BCL9L: variants seen among roughly 807,000 people sequenced by gnomAD.
BCL9L encodes the protein B-cell CLL/lymphoma 9-like protein.
A neutral mutation model predicts 99.4 loss-of-function variants in BCL9L; 19 were observed. The observed-to-expected ratio is 0.19, with a 90% confidence interval of 0.13 to 0.28. BCL9L has a LOEUF of 0.28. BCL9L is among the 10% of genes least tolerant of loss of function. BCL9L has a pLI of 1.00. For synonymous variants in BCL9L, 900 were observed against 854.8 expected, an observed-to-expected ratio of 1.05 and a Z score of -0.92; for missense variants, 2,023 against 2,101.6, an observed-to-expected ratio of 0.96 and a Z score of 0.73.
chr11:118,908,266 G>A lies in BCL9L; in HGVS notation c.412+4C>T, dbSNP rs768489901. 30 of 1,538,592 alleles carry A rather than the reference G, an allele frequency of 1.9e-5. No homozygotes were observed. Among genetic ancestry groups the A allele is most frequent in the Non-Finnish European group, 2.5e-5 (29 of 1,143,004 alleles). On this transcript the variant is annotated splice_donor_region_variant and intron_variant, in intron 4 of 9. Transcript: ENST00000683865. ...AGGGTCTTAGGGATGAGGAAATGGG[G>A]TACCTTTGGCCTCTGAATCCAGGGA... is the stretch of plus-strand genomic sequence containing the variant.
rs1400364998 is a variant in BCL9L, at chr11:118,902,618, G to A, written c.1125C>T (p.Pro375=). The change falls in exon 8 of 10, where the codon CCC becomes CCT. Residue 375 remains proline, a synonymous_variant. Coordinates refer to ENST00000683865, the MANE Select transcript of BCL9L (RefSeq NM_001378213.1). The surrounding 1 kb of genome is among the most constrained non-coding windows in gnomAD (Gnocchi z 7.8). The part of the protein sequence containing the change: ...LPPGGDPSSA[P]GPALLGEAAA... ...CTGCCTCCCCCAGCAGGGCAGGGCCGGGGGCACTGCTGGGGTCTCCTCCAG... is the reference window on the plus strand; with the variant it reads ...CTGCCTCCCCCAGCAGGGCAGGGCCAGGGGCACTGCTGGGGTCTCCTCCAG... 39 of 1,599,688 alleles carry A rather than the reference G, an allele frequency of 2.4e-5. No homozygotes were observed. Among genetic ancestry groups the A allele is most frequent in the Admixed American group, 3.3e-5 (2 of 59,970 alleles).
rs1395752963 is a variant in BCL9L at position 118,902,622 on chromosome 11, G to A, written c.1121C>T (p.Ala374Val). 3.8e-6 allele frequency: 6 copies of A among 1,599,812 alleles called. No individual in the cohort carries two copies. The African/African-American group carries it at 4.0e-5, about 11-fold the overall frequency. The change falls in exon 8 of 10, where the codon GCC becomes GTC. Residue 374 changes from alanine to valine, a missense_variant. By Grantham distance (64) the Ala-to-Val change is moderately conservative (BLOSUM62 0). Coordinates refer to ENST00000683865, the MANE Select transcript of BCL9L (RefSeq NM_001378213.1). This position sits in a 1 kb window ranked among gnomAD's most constrained non-coding sequence, Gnocchi z 7.8. Reference sequence around the variant, plus strand: ...CTCCCCCAGCAGGGCAGGGCCGGGGGCACTGCTGGGGTCTCCTCCAGGAGG... The same window carrying A: ...CTCCCCCAGCAGGGCAGGGCCGGGGACACTGCTGGGGTCTCCTCCAGGAGG... ...PLPPGGDPSSAPGPALLGEAA... is the reference protein window; with the variant it reads ...PLPPGGDPSSVPGPALLGEAA...
At position 118,899,004 on chromosome 11, in the gene BCL9L, A is replaced by T; in HGVS notation, c.3911T>A (p.Val1304Glu). 1 of 1,613,778 alleles carries T rather than the reference A, an allele frequency of 6.2e-7. No homozygotes were observed. The highest frequency in any genetic ancestry group is 8.5e-7 in the Non-Finnish European group (1 of 1,179,924). ...CTCGCTCAGCTCGGGGTCGTTCAGC[A>T]CTGATGCCACCCCAGGGAGCACACC... ...PPGVLPGVASVLNDPELSEVI... is the reference protein window; with the variant it reads ...PPGVLPGVASELNDPELSEVI... The change falls in exon 10 of 10, where the codon GTG (valine) becomes GAG (glutamate). Residue 1304 changes from valine to glutamate, a missense_variant. Transcript: ENST00000683865.
intron 2 of BCL9L, among the ~76,000 whole-genome samples, chr11:118,917,346 C>G (rs1421045909): frequency 6.6e-6 from 1 of 152,218 alleles, no homozygotes; most frequent in Non-Finnish European, 1.5e-5. Context: ...TGTAACTTCA[C>G]CAGTCCTAAA....
intron 1 of BCL9L, among the ~76,000 whole-genome samples, chr11:118,919,973 T>G (rs540324016): frequency 1.3e-5 from 2 of 152,270 alleles, no homozygotes; most frequent in South Asian, 2.1e-4. Flanking sequence ...CTGAGCACTG[T>G]ACCAACCTGT....
chr11:118,925,623 T>TA lies in BCL9L; in HGVS notation c.-517_-516insT, dbSNP rs71048022. Reference sequence around the variant, plus strand: ...TTGCTTCCTTCCTTCCTTCCTCGCCTCTCCTTTCCTTTCCCCAAAGCCCGC... The same window carrying TA: ...TTGCTTCCTTCCTTCCTTCCTCGCCTACTCCTTTCCTTTCCCCAAAGCCCGC... On this transcript the variant is annotated 5_prime_UTR_variant, in exon 1 of 10. Coordinates refer to ENST00000683865, the MANE Select transcript of BCL9L (RefSeq NM_001378213.1). This position sits in a 1 kb window ranked among gnomAD's most constrained non-coding sequence, Gnocchi z 6.4. 14 of 151,604 alleles carry TA rather than the reference T, an allele frequency of 9.2e-5. No homozygotes were observed. The highest frequency in any genetic ancestry group is 2.9e-4 in the African/African-American group (12 of 41,300). The allele number at this position is 151,604 out of a possible 1,614,324, so 9.4% of individuals were successfully genotyped here. A position where few individuals can be genotyped will look rare whatever the true frequency, so the allele number is the denominator to read the frequency against.
chr11:118,904,806 C>A (rs1272795505), intron 5 of BCL9L, among the ~76,000 whole-genome samples: 1 of 152,236 alleles, frequency 6.6e-6, no homozygotes. Context: ...TCTGCACCTT[C>A]TTCTCTGATG....
At chr11:118,911,483 C>T (rs558519499) in intron 2 of BCL9L, among the ~76,000 whole-genome samples, 13 of 152,362 alleles carry the variant, frequency 8.5e-5, no homozygotes, top group Non-Finnish European at 1.6e-4. Context: ...CCAGGACCTG[C>T]CTGGGAAGCA....
rs934111212 is a variant in BCL9L at position 118,914,389 on chromosome 11, C to T, written c.-76-4374G>A. On this transcript the variant is annotated intron_variant, in intron 2 of 9. Transcript: ENST00000683865. This position sits in a 1 kb window ranked among gnomAD's most constrained non-coding sequence, Gnocchi z 4.4. ...TGGGACCTCACCCAGCGCCCGCCCG[C>T]CTGCCTGCCTGCTCTGCTCTCTCCC... 3.9e-5 allele frequency among the ~76,000 whole-genome samples: 6 copies of T among 152,176 alleles called. No individual in the cohort carries two copies. The highest frequency in any genetic ancestry group is 8.8e-5 in the Non-Finnish European group (6 of 68,026).
At chr11:118,920,031 G>A (rs183928949) in intron 1 of BCL9L, among the ~76,000 whole-genome samples, 152 of 152,284 alleles carry the variant, frequency 1.0e-3, no homozygotes, top group East Asian at 6.4e-3. Context: ...GCCACTGGGG[G>A]TGGGGACGTA....
rs1379100914 is a variant in BCL9L, at chr11:118,921,709, G to T, written c.-130-2830C>A. Among the ~76,000 whole-genome samples, 2 of 152,154 alleles carry T rather than the reference G, an allele frequency of 1.3e-5. No homozygotes were observed. The highest frequency in any genetic ancestry group is 2.9e-5 in the Non-Finnish European group (2 of 68,018). On this transcript the variant is annotated intron_variant, in intron 1 of 9. Coordinates refer to ENST00000683865, the MANE Select transcript of BCL9L (RefSeq NM_001378213.1). This position sits in a 1 kb window ranked among gnomAD's most constrained non-coding sequence, Gnocchi z 5.4. The stretch of plus-strand genomic sequence containing the variant: ...TCTGCTTTTGCCACTGACAGGAAAA[G>T]TGAGAAGGCAGGGGAAGCCGCCCCT...
At chr11:118,912,314 G>A (rs1940826093) in intron 2 of BCL9L, among the ~76,000 whole-genome samples, 1 of 152,192 alleles carries the variant, frequency 6.6e-6, no homozygotes, top group African/African-American at 2.4e-5. Flanking sequence ...TGGGGCTCTG[G>A]GAACACGTCA....
chr11:118,897,752 T>G lies in BCL9L; in HGVS notation c.*663A>C. Reference sequence around the variant, plus strand: ...TTGAAGAAGGGGGGAAGGGTTTCTTTTATCCTTTTTTTTTTGTGTGACTTC... The same window carrying G: ...TTGAAGAAGGGGGGAAGGGTTTCTTGTATCCTTTTTTTTTTGTGTGACTTC... On this transcript the variant is annotated 3_prime_UTR_variant, in exon 10 of 10. Transcript: ENST00000683865. 1 of 437,744 alleles carries G rather than the reference T, an allele frequency of 2.3e-6. No homozygotes were observed. The highest frequency in any genetic ancestry group is 4.5e-6 in the Non-Finnish European group (1 of 221,532). The allele number at this position is 437,744 out of a possible 1,614,324, so 27.1% of individuals were successfully genotyped here. A position where few individuals can be genotyped will look rare whatever the true frequency, so the allele number is the denominator to read the frequency against.
chr11:118,902,152 T>C lies in BCL9L; in HGVS notation c.1591A>G (p.Lys531Glu), dbSNP rs374356791. The C allele has an allele frequency of 4.3e-6, 7 of 1,613,934 alleles. No homozygotes were observed. The highest frequency in any genetic ancestry group is 2.2e-5 in the East Asian group (1 of 44,870). Residue 531 changes from lysine (K) to glutamate (E), a missense_variant, in exon 8 of 10, where the codon AAA (lysine) becomes GAA (glutamate). Physicochemically the swap from Lys to Glu is moderately conservative, Grantham distance 56. This residue lies in a region of BCL9L where 1,116 missense variants were observed against 1,194.6 expected (regional missense o/e 0.93). Transcript: ENST00000683865. This position sits in a 1 kb window ranked among gnomAD's most constrained non-coding sequence, Gnocchi z 7.8. ...CCAATCTGTTCCTCTTTCCGCCGTT[T>C]CTCTTCGTAGTACTCCTCCTGCAGC... Reference protein sequence around the residue: ...RKLQEEYYEEKRRKEEQIGLH... With the variant: ...RKLQEEYYEEERRKEEQIGLH...
rs1459244946 is a variant in BCL9L at position 118,914,004 on chromosome 11, G to A, written c.-76-3989C>T. On this transcript the variant is annotated intron_variant, in intron 2 of 9. Coordinates refer to ENST00000683865, the MANE Select transcript of BCL9L (RefSeq NM_001378213.1). The surrounding 1 kb of genome is among the most constrained non-coding windows in gnomAD (Gnocchi z 4.4). ...GCCCAAATATATCTGGTCTCTGCCC[G>A]CCGCCCCACTGGTACTTCCTGTCCC... Among the ~76,000 whole-genome samples the A allele has an allele frequency of 3.9e-5, 6 of 152,262 alleles. No individual in the cohort carries two copies. Among genetic ancestry groups the A allele is most frequent in the African/African-American group, 1.4e-4 (6 of 41,546 alleles).
chr11:118,923,202 C>T (rs1014254972), intron 1 of BCL9L, among the ~76,000 whole-genome samples: 3 of 152,288 alleles, frequency 2.0e-5, no homozygotes, highest in African/African-American at 7.2e-5. Context: ...CGCAGTCACT[C>T]CCCTGATAGG....
chr11:118,910,031 C>T lies in BCL9L; in HGVS notation c.-76-16G>A, dbSNP rs2137728677. ...GGAGCACGGACTGCAGCAACAAGCC[C>T]CAAAGAGAAAACTCGTGACTTGGGG... On this transcript the variant is annotated splice_polypyrimidine_tract_variant and intron_variant, in intron 2 of 9. Transcript: ENST00000683865. 6.3e-7 allele frequency: 1 copy of T among 1,582,548 alleles called. No individual in the cohort carries two copies. Among genetic ancestry groups the T allele is most frequent in the African/African-American group, 1.3e-5 (1 of 74,286 alleles).
chr11:118,916,460 C>T lies in BCL9L; in HGVS notation c.-77+2366G>A, dbSNP rs192390013. Among the ~76,000 whole-genome samples, 164 of 152,348 alleles carry T rather than the reference C, an allele frequency of 1.1e-3. 1 individual carries two copies. The highest frequency in any genetic ancestry group is 1.8e-3 in the Non-Finnish European group (124 of 68,032). On this transcript the variant is annotated intron_variant, in intron 2 of 9. Transcript: ENST00000683865. ...CAGCCCCTCCACCATCCCACTCTCA[C>T]CCCAGGGCCTATAGGAGCCCTGGCC...
At chr11:118,912,474 A>G (rs903848584) in intron 2 of BCL9L, among the ~76,000 whole-genome samples, 2 of 151,974 alleles carry the variant, frequency 1.3e-5, no homozygotes, top group African/African-American at 4.8e-5. Flanking sequence ...GGCCTGAGAT[A>G]TCCATCCGCT....
Sources: allele counts gnomAD v4.1 joint callset (sites outside exome capture counted in the v4.1 genomes callset), GRCh38; gene constraint gnomAD v4.1.1; regional missense constraint gnomAD v4.1.1; non-coding constraint Gnocchi (gnomAD v3.1); transcripts MANE v1.5; gene names NCBI Gene and HGNC (gene_info 2026-07-23, HGNC 2026-07-21).